Variants in RHOBTB1 observed in about 807,000 individuals in gnomAD.
The protein encoded by RHOBTB1 is Rho related BTB domain containing 1, also known as rho-related BTB domain-containing protein 1.
In RHOBTB1, 40 loss-of-function variants were observed where a neutral mutation model predicts 71.6. The observed-to-expected ratio is 0.56, with a 90% CI of 0.43 to 0.73. RHOBTB1 has a LOEUF of 0.73. Among genes scored for constraint, RHOBTB1 ranks in the 30% least tolerant of loss-of-function variants. The pLI, the probability that RHOBTB1 is intolerant of heterozygous loss-of-function variation, is 0.00. For synonymous variants in RHOBTB1, 319 were observed against 334.9 expected (o/e 0.95, Z 0.52); for missense variants, 797 against 894.0 (o/e 0.89, Z 1.38).
chr10:60,948,037 G>A (rs1470068421), upstream of RHOBTB1, among the ~76,000 whole-genome samples: 3 of 152,138 alleles, frequency 2.0e-5, no homozygotes, highest in African/African-American at 7.2e-5. Flanking sequence ...ACTCATTGTA[G>A]TGTTACTTTG....
the RHOBTB1 span, among the ~76,000 whole-genome samples, chr10:60,862,633 C>T: frequency 6.9e-6 from 1 of 144,890 alleles, no homozygotes; most frequent in African/African-American, 2.6e-5. Flanking sequence ...CCTTCCTTCT[C>T]TTTTTCCTTT....
At chr10:60,890,021 A>T (rs184808556) in intron 5 of RHOBTB1, among the ~76,000 whole-genome samples, 1 of 152,310 alleles carries the variant, frequency 6.6e-6, no homozygotes, top group East Asian at 1.9e-4. Context: ...TAGCCCTGTG[A>T]GGTATTATTT....
chr10:60,910,503 C>T (rs796836910), intron 4 of RHOBTB1, among the ~76,000 whole-genome samples: 5 of 152,148 alleles, frequency 3.3e-5, no homozygotes, highest in African/African-American at 1.2e-4. Context: ...ATGAAAAGAC[C>T]AAACAGTCTT....
At chr10:60,913,428 C>T (rs1175566492) in intron 2 of RHOBTB1, among the ~76,000 whole-genome samples, 1 of 152,176 alleles carries the variant, frequency 6.6e-6, no homozygotes, top group Non-Finnish European at 1.5e-5. Flanking sequence ...TAAAAATCTC[C>T]AATTCTGATG....
Position 60,914,465 on chromosome 10 carries a change from T to A in RHOBTB1, c.-10-2913A>T, listed in dbSNP as rs975191657. ...AAACCTTACTCTTTTAAGGGTGAAT[T>A]TTTTTTATTTATTTATTTTTGATAG... On this transcript the variant is annotated intron_variant, in intron 2 of 10. Coordinates refer to ENST00000337910, the MANE Select transcript of RHOBTB1 (RefSeq NM_014836.5). Among the ~76,000 whole-genome samples the A allele has an allele frequency of 3.9e-5, 6 of 152,034 alleles. No homozygotes were observed. The East Asian group carries it at 1.2e-3, about 29-fold the overall frequency.
chr10:60,936,516 A>G (rs2134087676), intron 2 of RHOBTB1, among the ~76,000 whole-genome samples: 1 of 152,324 alleles, frequency 6.6e-6, no homozygotes, highest in East Asian at 1.9e-4. Flanking sequence ...TTAAGATTCC[A>G]TGACTCTATT....
At chr10:60,863,354 T>A in the RHOBTB1 span, among the ~76,000 whole-genome samples, 1 of 152,242 alleles carries the variant, frequency 6.6e-6, no homozygotes, top group African/African-American at 2.4e-5. Context: ...AAATTGTTTT[T>A]TTTTGTTTTT....
rs1233151499 is a variant in RHOBTB1 at position 60,929,924 on chromosome 10, T to C, written c.-11+11880A>G. ...AAAGACAGCTTTCTTTCAAGTGTTC[T>C]TGGCACATTTAAAAAGCTGACCACA... On this transcript the variant is annotated intron_variant, in intron 2 of 10. Coordinates refer to ENST00000337910, the MANE Select transcript of RHOBTB1 (RefSeq NM_014836.5). Among the ~76,000 whole-genome samples, 3 of 152,188 alleles carry C rather than the reference T, an allele frequency of 2.0e-5. No individual in the cohort carries two copies. In the East Asian group the frequency reaches 5.8e-4, roughly 29 times the overall value.
intron 1 of RHOBTB1, among the ~76,000 whole-genome samples, chr10:60,993,080 C>T (rs1284673678): frequency 1.3e-5 from 2 of 152,000 alleles, no homozygotes; most frequent in East Asian, 1.9e-4. Context: ...TAGTGTGTAA[C>T]AATGGAAATG....
At chr10:60,933,734 A>G (rs548898330) in intron 2 of RHOBTB1, among the ~76,000 whole-genome samples, 1 of 152,260 alleles carries the variant, frequency 6.6e-6, no homozygotes, top group African/African-American at 2.4e-5. Context: ...TCATCATATC[A>G]CTATTTGTGG....
chr10:60,914,869 C>A (rs1255792247), intron 2 of RHOBTB1, among the ~76,000 whole-genome samples: 2 of 152,158 alleles, frequency 1.3e-5, no homozygotes, highest in African/African-American at 4.8e-5. Flanking sequence ...CCGCTCCAGA[C>A]CAAAGTGACT....
At chr10:60,961,320 C>A (rs960820925) in intron 2 of RHOBTB1, among the ~76,000 whole-genome samples, 1 of 152,164 alleles carries the variant, frequency 6.6e-6, no homozygotes, top group African/African-American at 2.4e-5. Context: ...CCTGGCTCCA[C>A]TGCTTACTAG....
Position 60,870,809 on chromosome 10 carries a change from C to T in RHOBTB1, c.*673G>A, listed in dbSNP as rs2080743249. 6.5e-6 allele frequency: 1 copy of T among 152,734 alleles called. No homozygotes were observed. Among genetic ancestry groups the T allele is most frequent in the Non-Finnish European group, 1.5e-5 (1 of 68,034 alleles). The allele number at this position is 152,734 out of a possible 1,614,324, so 9.5% of individuals were successfully genotyped here. On this transcript the variant is annotated 3_prime_UTR_variant, in exon 11 of 11. Transcript: ENST00000337910. ...GGAAACAACAGAATATTTGATATCA[C>T]TATATTTTACATGGCACATATAACC...
At chr10:60,904,836 C>G (rs188465017) in intron 4 of RHOBTB1, among the ~76,000 whole-genome samples, 225 of 152,260 alleles carry the variant, frequency 1.5e-3, no homozygotes, top group Non-Finnish European at 1.4e-3. Context: ...TTCTTTCATG[C>G]CTTTCTACTT....
At chr10:60,958,199 A>C (rs2085660390) in intron 2 of RHOBTB1, among the ~76,000 whole-genome samples, 1 of 152,208 alleles carries the variant, frequency 6.6e-6, no homozygotes, top group Non-Finnish European at 1.5e-5. Context: ...TTTTATATGC[A>C]TAAGGTTGAA....
At chr10:60,916,127 G>A (rs919383403) in intron 2 of RHOBTB1, among the ~76,000 whole-genome samples, 10 of 152,188 alleles carry the variant, frequency 6.6e-5, no homozygotes, top group African/African-American at 2.4e-4. Context: ...CTAAGCTTCT[G>A]ACTGCTTCGC....
chr10:60,896,999 G>A (rs76187307), intron 4 of RHOBTB1, among the ~76,000 whole-genome samples: 5,627 of 152,032 alleles, frequency 0.037, 182 homozygotes, highest in East Asian at 0.1. Context: ...GTTATCTTTC[G>A]AGGGGAACAC....
At position 60,871,443 on chromosome 10, in the gene RHOBTB1, C is replaced by A; in HGVS notation, c.*39G>T. 1.3e-6 allele frequency: 2 copies of A among 1,596,170 alleles called. No homozygotes were observed. The highest frequency in any genetic ancestry group is 2.3e-5 in the South Asian group (2 of 88,270). ...CTTTGAAAAGTGGTGGATCAGATTA[C>A]CGATTGGTTTCTGTTTTTTGTTTTT... On this transcript the variant is annotated 3_prime_UTR_variant, in exon 11 of 11. Coordinates refer to ENST00000337910, the MANE Select transcript of RHOBTB1 (RefSeq NM_014836.5).
chr10:60,903,659 C>T (rs992075303), intron 4 of RHOBTB1, among the ~76,000 whole-genome samples: 18 of 151,754 alleles, frequency 1.2e-4, no homozygotes, highest in Non-Finnish European at 2.2e-4. Context: ...GGCTGAGAAA[C>T]AGGCCCCTGG....
Sources: gnomAD v4.1 joint callset for allele counts (sites outside exome capture counted in the v4.1 genomes callset) on GRCh38, gnomAD v4.1.1 for gene constraint, MANE v1.5 for transcripts, NCBI Gene and HGNC (gene_info 2026-07-23, HGNC 2026-07-21) for gene names.